RTN4: variants seen among roughly 807,000 people sequenced by gnomAD.
RTN4 encodes reticulon 4.
RTN4 carries 32 observed loss-of-function variants against 90.4 expected under a neutral mutation model. The ratio of observed to expected loss-of-function variants is 0.35; its 90% CI spans 0.27 to 0.48. The LOEUF is 0.48. Among genes scored for constraint, RTN4 ranks in the 20% least tolerant of loss-of-function variants. The pLI is 0.99. For missense variants in RTN4, 1,706 were observed against 1,430.2 expected (o/e 1.19, Z -3.11); for synonymous variants, 629 against 552.5 (o/e 1.14, Z -1.94).
In RTN4 at chr2:55,027,437, T is replaced by C. The variant is rs1425042253; in HGVS notation, c.662A>G (p.Gln221Arg). The change falls in exon 3 of 9, where the codon CAA (glutamine) becomes CGA (arginine). Residue 221 changes from glutamine to arginine, a missense_variant. Physicochemically the swap from Gln to Arg is conservative, Grantham distance 43. Transcript: ENST00000337526. ...AAGCAGGACAGATGGGAAATCCTCT[T>C]GACCAGCCGAAATAGTGTTACCTGG... ...EQPGNTISAG[Q>R]EDFPSVLLET... 1.2e-6 allele frequency: 2 copies of C among 1,613,108 alleles called. No homozygotes were observed. Among genetic ancestry groups the C allele is most frequent in the African/African-American group, 1.3e-5 (1 of 74,884 alleles).
At chr2:55,095,770 A>G (rs1198811106) in intron 1 of RTN4, among the ~76,000 whole-genome samples, 1 of 152,148 alleles carries the variant, frequency 6.6e-6, no homozygotes, top group Non-Finnish European at 1.5e-5. Flanking sequence ...GCAGATTTCA[A>G]ATGCCCTTTT....
chr2:55,115,673 C>G (rs1668112156), upstream of RTN4, among the ~76,000 whole-genome samples: 1 of 152,224 alleles, frequency 6.6e-6, no homozygotes, highest in African/African-American at 2.4e-5. Context: ...GTAGTCTATT[C>G]CGGGGCACTA....
intron 1 of RTN4, among the ~76,000 whole-genome samples, chr2:55,103,859 TAA>T (rs1573519323): frequency 6.6e-6 from 1 of 151,908 alleles, no homozygotes; most frequent in Non-Finnish European, 1.5e-5. Context: ...CACACCCGCC[TAA>T]TTTTTGTATA....
chr2:55,036,947 C>A (rs1407383478), intron 1 of RTN4, among the ~76,000 whole-genome samples: 2 of 152,152 alleles, frequency 1.3e-5, no homozygotes, highest in Non-Finnish European at 2.9e-5. Context: ...GTAAAACTAT[C>A]TTAACTTACA....
At chr2:54,993,938 G>A (rs1241183663) in intron 3 of RTN4, among the ~76,000 whole-genome samples, 2 of 152,220 alleles carry the variant, frequency 1.3e-5, no homozygotes, top group African/African-American at 4.8e-5. Context: ...TGAAAAGATT[G>A]TTAGTGAAGC....
At chr2:55,062,034 G>C (rs562837574) in intron 2 of RTN4, among the ~76,000 whole-genome samples, 3 of 152,018 alleles carry the variant, frequency 2.0e-5, no homozygotes, top group African/African-American at 7.2e-5. Context: ...TCAAGAGCAC[G>C]TCAAGAGCAC....
At chr2:55,012,016 T>C (rs142376282) in intron 3 of RTN4, among the ~76,000 whole-genome samples, 30 of 152,288 alleles carry the variant, frequency 2.0e-4, no homozygotes, top group Non-Finnish European at 3.4e-4. Context: ...AAATACAAAA[T>C]ACTGACTTTC....
intron 3 of RTN4, among the ~76,000 whole-genome samples, chr2:55,020,568 C>T (rs535493217): frequency 6.6e-6 from 1 of 152,200 alleles, no homozygotes; most frequent in Non-Finnish European, 1.5e-5. Context: ...GGGAGGAAGA[C>T]CAGAATTCAT....
intron 1 of RTN4, among the ~76,000 whole-genome samples, chr2:55,080,911 A>T (rs1379148473): frequency 6.6e-6 from 1 of 152,226 alleles, no homozygotes; most frequent in African/African-American, 2.4e-5. Context: ...CGCAATCTTT[A>T]TCTTTTGAAA....
intron 1 of RTN4, among the ~76,000 whole-genome samples, chr2:55,098,194 C>T (rs1300901022): frequency 1.3e-5 from 2 of 152,090 alleles, no homozygotes; most frequent in African/African-American, 4.8e-5. Flanking sequence ...TCCGGATTTC[C>T]AGTACCCAGC....
intron 2 of RTN4, among the ~76,000 whole-genome samples, chr2:55,074,071 C>T (rs1668559943): frequency 6.6e-6 from 1 of 152,204 alleles, no homozygotes. Flanking sequence ...ATAATGCACT[C>T]TTGTCATAAA....
At chr2:55,041,440 C>T (rs986381289) in intron 1 of RTN4, among the ~76,000 whole-genome samples, 7 of 151,760 alleles carry the variant, frequency 4.6e-5, no homozygotes, top group African/African-American at 1.7e-4. Flanking sequence ...CATAAGATAG[C>T]CAAGAAAAAT....
intron 1 of RTN4, among the ~76,000 whole-genome samples, chr2:55,105,044 C>A (rs942196284): frequency 2.7e-5 from 4 of 150,726 alleles, no homozygotes; most frequent in Non-Finnish European, 4.4e-5. Context: ...TGAGCTCAAG[C>A]AATCCACTCA....
At chr2:54,997,776 A>G (rs546086425) in intron 3 of RTN4, among the ~76,000 whole-genome samples, 49 of 152,350 alleles carry the variant, frequency 3.2e-4, no homozygotes, top group African/African-American at 1.2e-3. Flanking sequence ...TGAGTATAGT[A>G]CAATGAGATA....
At chr2:55,127,274 G>A in the RTN4 span, among the ~76,000 whole-genome samples, 1 of 152,144 alleles carries the variant, frequency 6.6e-6, no homozygotes, top group African/African-American at 2.4e-5. Flanking sequence ...GAACAAGACA[G>A]GACAAAAAGA....
At chr2:55,043,678 G>A (rs942500236) in intron 1 of RTN4, among the ~76,000 whole-genome samples, 13 of 152,256 alleles carry the variant, frequency 8.5e-5, no homozygotes, top group Admixed American at 3.9e-4. Context: ...CTGAGGTCAG[G>A]AGTTCAAGAC....
At chr2:55,092,201 A>T (rs1453368773) in intron 1 of RTN4, among the ~76,000 whole-genome samples, 7 of 136,312 alleles carry the variant, frequency 5.1e-5, no homozygotes, top group Non-Finnish European at 8.0e-5. Flanking sequence ...AAAAAAAAAA[A>T]GGAAGCTCAA....
In RTN4 at chr2:55,025,404, C is replaced by G. The variant is rs6757519; in HGVS notation, c.2695G>C (p.Glu899Gln). ...GCTCCATCCGGGGCATTAGCAATTT[C>G]ACTTTTGTGGGATACTTCTAGGTCA... The part of the protein sequence containing the change: ...YTDLEVSHKS[E>Q]IANAPDGAGS... Residue 899 changes from glutamate (E) to glutamine (Q), a missense_variant, in exon 3 of 9, where the codon GAA becomes CAA. Transcript: ENST00000337526. The G allele has an allele frequency of 1.5e-3, 2,480 of 1,613,924 alleles. 33 individuals are homozygous for G. In the African/African-American group the frequency reaches 0.03, roughly 19 times the overall value.
chr2:55,079,298 AACTC>A (rs560428790), intron 2 of RTN4, among the ~76,000 whole-genome samples: 58 of 152,346 alleles, frequency 3.8e-4, no homozygotes, highest in African/African-American at 1.2e-3. Context: ...CTGGGTGGTT[AACTC>A]ACCGTGAAGG....
Sources: gnomAD v4.1 joint callset for allele counts (sites outside exome capture counted in the v4.1 genomes callset) on GRCh38, gnomAD v4.1.1 for gene constraint, MANE v1.5 for transcripts, NCBI Gene and HGNC (gene_info 2026-07-23, HGNC 2026-07-21) for gene names.